HEPHL1: variants seen among roughly 807,000 people sequenced by gnomAD.
HEPHL1 encodes ferroxidase HEPHL1.
HEPHL1 carries 123 observed loss-of-function variants against 122.0 expected under a neutral mutation model. The ratio of observed to expected loss-of-function variants is 1.01; its 90% confidence interval spans 0.87 to 1.17. HEPHL1 has a LOEUF of 1.17. Ranked by LOEUF, HEPHL1 falls within the 50% of genes most tolerant of loss-of-function variation. The pLI, the probability that HEPHL1 is intolerant of heterozygous loss-of-function variation, is 0.00. For synonymous variants in HEPHL1, 527 were observed against 508.9 expected (o/e 1.04, Z -0.48); for missense variants, 1,452 against 1,430.5 (o/e 1.01, Z -0.24).
At chr11:94,102,070 C>T (rs1946371927) in intron 14 of HEPHL1, among the ~76,000 whole-genome samples, 2 of 152,058 alleles carry the variant, frequency 1.3e-5, no homozygotes, top group African/African-American at 4.8e-5. Context: ...ATAGGTATGT[C>T]TGTATAGGAA....
At chr11:94,093,975 T>G (rs4291639) in intron 13 of HEPHL1, among the ~76,000 whole-genome samples, 17,606 of 47,420 alleles carry the variant, frequency 0.37, 2,113 homozygotes, top group Admixed American at 0.47. Context: ...CCAGCAGATA[T>G]ATATATATAT....
Position 94,085,997 on chromosome 11 carries a change from G to C in HEPHL1, c.1888G>C (p.Gly630Arg), listed in dbSNP as rs778994733. 1 of 1,613,768 alleles carries C rather than the reference G, an allele frequency of 6.2e-7. No homozygotes were observed. The highest frequency in any genetic ancestry group is 2.2e-5 in the East Asian group (1 of 44,880). ...RMHAVNGYMY[G>R]NQPGLNMCKR... The stretch of plus-strand genomic sequence containing the variant: ...TTTAGCTGTTAACGGCTACATGTAT[G>C]GCAACCAGCCAGGCTTAAACATGTG... The change falls in exon 11 of 20, where the codon GGC (glycine) becomes CGC (arginine). Residue 630 changes from glycine (G) to arginine (R), a missense_variant. Coordinates refer to ENST00000315765, the MANE Select transcript of HEPHL1 (RefSeq NM_001098672.2).
In HEPHL1 at chr11:94,042,891, A is replaced by AAAAAAAAAAC. The variant is rs762818935; in HGVS notation, c.171-2780_171-2779insAAAAAAACAA. ...AAAGTATAATAAAAAAAAAAAAAAA[A>AAAAAAAAAAC]AACTGCATGAATTGCTCATTCTGGC... On this transcript the variant is annotated intron_variant, in intron 1 of 19. Coordinates refer to ENST00000315765, the MANE Select transcript of HEPHL1 (RefSeq NM_001098672.2). 7.0e-3 allele frequency among the ~76,000 whole-genome samples: 1,048 copies of AAAAAAAAAAC among 148,798 alleles called. 16 individuals carry two copies. The highest frequency in any genetic ancestry group is 0.067 in the East Asian group (302 of 4,494).
chr11:94,052,525 GT>G (rs1397431698), intron 2 of HEPHL1, among the ~76,000 whole-genome samples: 2 of 152,022 alleles, frequency 1.3e-5, no homozygotes, highest in African/African-American at 2.4e-5. Context: ...GAGCCGTTAG[GT>G]TTTTCCAAAT....
In HEPHL1 at chr11:94,093,136, ACACAC is replaced by A. The variant is rs561606578; in HGVS notation, c.2295-364_2295-360del. On this transcript the variant is annotated intron_variant, in intron 12 of 19. Coordinates refer to ENST00000315765, the MANE Select transcript of HEPHL1 (RefSeq NM_001098672.2). ...TGTGTGTGTGTGTGTGTGTGATGAC[ACACAC>A]ATGAAGATGCAAGTGTGTAAGGTTA... is the stretch of plus-strand genomic sequence containing the variant. Among the ~76,000 whole-genome samples the A allele has an allele frequency of 2.8e-3, 421 of 151,974 alleles. 3 individuals carry two copies. The highest frequency in any genetic ancestry group is 0.014 in the South Asian group (65 of 4,806).
chr11:94,021,470 G>A lies in HEPHL1; in HGVS notation c.102G>A (p.Val34=). Residue 34 remains valine (V), a synonymous_variant, in exon 1 of 20, where the codon GTG becomes GTA. Transcript: ENST00000315765. ...TVTRTYYIGI[V]EEYWNYVPQG... ...CCAGAACGTACTACATTGGGATTGT[G>A]GAAGAATACTGGAACTATGTACCCC... 1.2e-6 allele frequency: 2 copies of A among 1,613,296 alleles called. No individual in the cohort carries two copies. Among genetic ancestry groups the A allele is most frequent in the Non-Finnish European group, 8.5e-7 (1 of 1,179,330 alleles).
intron 1 of HEPHL1, among the ~76,000 whole-genome samples, chr11:94,043,347 T>G (rs564901625): frequency 6.6e-6 from 1 of 152,208 alleles, no homozygotes; most frequent in South Asian, 2.1e-4. Context: ...AAAGAGATCC[T>G]TCACAAGTCC....
At chr11:94,076,660 A>T (rs553023735) in intron 9 of HEPHL1, among the ~76,000 whole-genome samples, 1 of 152,228 alleles carries the variant, frequency 6.6e-6, no homozygotes, top group South Asian at 2.1e-4. Flanking sequence ...TGGCTGAGAG[A>T]GAAAACCATT....
Position 94,035,121 on chromosome 11 carries a change from T to C in HEPHL1, c.171-10552T>C, listed in dbSNP as rs550224058. Reference sequence around the variant, plus strand: ...AATTTTCTGGTCCTATAAAGCTGCCTGTGATTTCCTGAACTGACCTCTAAT... The same window carrying C: ...AATTTTCTGGTCCTATAAAGCTGCCCGTGATTTCCTGAACTGACCTCTAAT... On this transcript the variant is annotated intron_variant, in intron 1 of 19. Coordinates refer to ENST00000315765, the MANE Select transcript of HEPHL1 (RefSeq NM_001098672.2). 2.0e-5 allele frequency among the ~76,000 whole-genome samples: 3 copies of C among 152,346 alleles called. No individual in the cohort carries two copies. In the East Asian group the frequency reaches 5.8e-4, roughly 29 times the overall value.
chr11:94,094,167 G>A (rs1204114673), intron 13 of HEPHL1, among the ~76,000 whole-genome samples: 8 of 151,182 alleles, frequency 5.3e-5, no homozygotes, highest in Non-Finnish European at 1.0e-4. Flanking sequence ...CCCCACGACA[G>A]GCCCTGGTGT....
intron 2 of HEPHL1, among the ~76,000 whole-genome samples, chr11:94,048,333 T>C (rs1033939240): frequency 6.6e-6 from 1 of 152,110 alleles, no homozygotes; most frequent in African/African-American, 2.4e-5. Flanking sequence ...GTGAGAGCCA[T>C]GAGCCCTTGC....
intron 4 of HEPHL1, among the ~76,000 whole-genome samples, chr11:94,064,975 A>G (rs1946021640): frequency 6.6e-6 from 1 of 152,180 alleles, no homozygotes; most frequent in South Asian, 2.1e-4. Flanking sequence ...TTAAATAAGC[A>G]CTTGTGAATT....
intron 2 of HEPHL1, among the ~76,000 whole-genome samples, chr11:94,046,123 C>T (rs1464174727): frequency 3.7e-3 from 94 of 25,474 alleles, no homozygotes; most frequent in Admixed American, 7.8e-3. Flanking sequence ...GAGAGGTAGT[C>T]TCACTCTGTT....
intron 13 of HEPHL1, among the ~76,000 whole-genome samples, chr11:94,094,307 G>A (rs1946291716): frequency 6.6e-6 from 1 of 151,898 alleles, no homozygotes; most frequent in Admixed American, 6.6e-5. Context: ...CTTCATCTAT[G>A]TCCCTACAAA....
chr11:94,099,800 G>A (rs1322230060), intron 13 of HEPHL1, among the ~76,000 whole-genome samples: 1 of 152,184 alleles, frequency 6.6e-6, no homozygotes, highest in East Asian at 1.9e-4. Context: ...TTGGGTGTGG[G>A]TCCATCTGAG....
chr11:94,029,849 G>C (rs1280813371), intron 1 of HEPHL1, among the ~76,000 whole-genome samples: 1 of 152,182 alleles, frequency 6.6e-6, no homozygotes, highest in African/African-American at 2.4e-5. Flanking sequence ...TACTTATTTT[G>C]CCTCTTATTT....
intron 1 of HEPHL1, among the ~76,000 whole-genome samples, chr11:94,042,851 T>G (rs1275935324): frequency 1.1e-5 from 1 of 89,764 alleles, no homozygotes; most frequent in Non-Finnish European, 2.2e-5. Context: ...ATTGTGCACA[T>G]GTACCCTAAA....
At chr11:94,079,641 G>C (rs1265004155) in intron 9 of HEPHL1, among the ~76,000 whole-genome samples, 2 of 152,148 alleles carry the variant, frequency 1.3e-5, no homozygotes, top group African/African-American at 4.8e-5. Context: ...ATGCATGAAG[G>C]ACAGAGGGAT....
chr11:94,100,786 G>A (rs1312812008), intron 13 of HEPHL1, among the ~76,000 whole-genome samples: 1 of 152,130 alleles, frequency 6.6e-6, no homozygotes, highest in Non-Finnish European at 1.5e-5. Flanking sequence ...TCCTGGAGAT[G>A]ATTTCTCAGT....
Sources: allele counts gnomAD v4.1 joint callset (sites outside exome capture counted in the v4.1 genomes callset), GRCh38; gene constraint gnomAD v4.1.1; transcripts MANE v1.5; gene names NCBI Gene and HGNC (gene_info 2026-07-23, HGNC 2026-07-21).